DIS3: variants seen among roughly 807,000 people sequenced by gnomAD.
The protein encoded by DIS3 is DIS3 exosome endoribonuclease and 3'-5' exoribonuclease.
In DIS3, 103 loss-of-function variants were observed where a neutral mutation model predicts 113.0. That is an observed-to-expected ratio of 0.91 (90% confidence interval 0.78 to 1.07). DIS3 has a LOEUF of 1.07. Among genes scored for constraint, DIS3 ranks in the 50% least tolerant of loss-of-function variants. The pLI, the probability that DIS3 is intolerant of heterozygous loss-of-function variation, is 0.00. For synonymous variants in DIS3, 402 were observed against 394.3 expected (o/e 1.02, Z -0.23); for missense variants, 1,121 against 1,167.1 (o/e 0.96, Z 0.58).
At position 72,753,882 on chromosome 13, in the gene DIS3, G is replaced by A. The variant is rs1413419322; in HGVS notation, c.*5913C>T. 8 of 1,459,590 alleles carry A rather than the reference G, an allele frequency of 5.5e-6. No individual in the cohort carries two copies. The South Asian group carries it at 8.8e-5, about 16-fold the overall frequency. The allele number at this position is 1,459,590 out of a possible 1,614,324, so 90.4% of individuals were successfully genotyped here. On this transcript the variant is annotated 3_prime_UTR_variant, in exon 21 of 21. Transcript: ENST00000377767. ...TAGATTAGAAATATAAAATAATTTT[G>A]ATTATTAGACAATAGTACTATTGAG... is the stretch of plus-strand genomic sequence containing the variant.
chr13:72,777,661 C>T (rs1157889656), intron 3 of DIS3, among the ~76,000 whole-genome samples, 168 bp from the exon 4 acceptor site: 3 of 152,056 alleles, frequency 2.0e-5, no homozygotes, highest in Non-Finnish European at 4.4e-5. Context: ...AATTACACAT[C>T]ACTACAGCCT....
At position 72,755,740 on chromosome 13, in the gene DIS3, T is replaced by TG; in HGVS notation, c.*4054dup. ...TTAGTTCTTGGTCTGTTCACCTCTG[T>TG]GGGGAAAATTCTTAGTTCCAGTGAT... is the stretch of plus-strand genomic sequence containing the variant. On this transcript the variant is annotated 3_prime_UTR_variant, in exon 21 of 21. Coordinates refer to ENST00000377767, the MANE Select transcript of DIS3 (RefSeq NM_014953.5). 1 of 397,302 alleles carries TG rather than the reference T, an allele frequency of 2.5e-6. No individual in the cohort carries two copies. Among genetic ancestry groups the TG allele is most frequent in the African/African-American group, 2.1e-5 (1 of 48,738 alleles). 24.6% of individuals were successfully genotyped at this position (397,302 alleles called of 1,614,324 possible).
At chr13:72,761,884 C>T in intron 17 of DIS3, 39 bp downstream of exon 17, 1 of 1,611,868 alleles carries the variant, frequency 6.2e-7, no homozygotes, top group Non-Finnish European at 8.5e-7. Context: ...TCAAAATTAA[C>T]CATTTTCTAT....
intron 4 of DIS3, among the ~76,000 whole-genome samples, chr13:72,776,895 C>T (rs954790973): frequency 6.6e-5 from 10 of 152,214 alleles, no homozygotes; most frequent in Non-Finnish European, 1.3e-4. Flanking sequence ...CAATCATTCT[C>T]TCCTGCTCCA....
chr13:72,761,265 G>T, intron 19 of DIS3, 98 bp downstream of exon 19: 1 of 1,423,370 alleles, frequency 7.0e-7, no homozygotes, highest in Non-Finnish European at 9.3e-7. Context: ...AATTCTTCAG[G>T]GTACAAAAAA....
intron 2 of DIS3, among the ~76,000 whole-genome samples, chr13:72,778,685 AAAT>A (rs1281589352): frequency 5.3e-5 from 8 of 152,320 alleles, no homozygotes; most frequent in Non-Finnish European, 5.9e-5. Context: ...TTGAGACACT[AAAT>A]AATAGTTTGT....
chr13:72,775,780 CAAAAAAA>C lies in DIS3; in HGVS notation c.822+138_822+144del, dbSNP rs34507729. On this transcript the variant is annotated intron_variant, in intron 5 of 20. Transcript: ENST00000377767. Reference sequence around the variant, plus strand: ...ACTACCTGACAAATTGTGAGCACTGCAAAAAAAAAAAGAAAAAAGTTACTATTTGCTT... The same window carrying C: ...ACTACCTGACAAATTGTGAGCACTGCAAAAGAAAAAAGTTACTATTTGCTT... The C allele has an allele frequency of 5.4e-5, 31 of 574,814 alleles. No homozygotes were observed. In the African/African-American group the frequency reaches 6.5e-4, roughly 12 times the overall value. The allele number at this position is 574,814 out of a possible 1,614,324, so 35.6% of individuals were successfully genotyped here. A position where few individuals can be genotyped will look rare whatever the true frequency, so the allele number is the denominator to read the frequency against.
rs139907646 is a variant in DIS3 at position 72,773,778 on chromosome 13, C to T, written c.1145G>A (p.Arg382Gln). ...AGCCTGTCTGGTTTCTATGCGAATT[C>T]GAGGGATTCTCTTATCAGCAGGTGT... ...LFTPADKRIP[R>Q]IRIETRQAST... Residue 382 changes from arginine to glutamine, a missense_variant, in exon 8 of 21, where the codon CGA becomes CAA. Arg to Gln is a conservative substitution (Grantham distance 43). Coordinates refer to ENST00000377767, the MANE Select transcript of DIS3 (RefSeq NM_014953.5). The T allele has an allele frequency of 2.4e-5, 39 of 1,613,872 alleles. 1 individual carries two copies. Among genetic ancestry groups the T allele is most frequent in the Middle Eastern group, 1.7e-4 (1 of 6,058 alleles).
intron 10 of DIS3, 66 bp from the exon 11 acceptor site, chr13:72,771,962 T>G: frequency 6.6e-7 from 1 of 1,523,346 alleles, no homozygotes; most frequent in Non-Finnish European, 8.9e-7. Flanking sequence ...AATGGAGTTT[T>G]AATAAGATAA....
intron 12 of DIS3, 22 bp downstream of exon 12, chr13:72,771,058 GA>G (rs757206190): frequency 8.1e-6 from 13 of 1,608,628 alleles, no homozygotes; most frequent in East Asian, 2.2e-5. Flanking sequence ...TGTCTTCAAG[GA>G]AAAAAAACCA....
In DIS3 at chr13:72,755,507, G is replaced by A. The variant is rs2033436105; in HGVS notation, c.*4288C>T. ...CAGAGCTGAGTGCTCCTATCTTACA[G>A]GGTCAATGAACTACTTATTAAGCCT... is the stretch of plus-strand genomic sequence containing the variant. On this transcript the variant is annotated 3_prime_UTR_variant, in exon 21 of 21. Transcript: ENST00000377767. The A allele has an allele frequency of 7.3e-6, 3 of 409,904 alleles. No homozygotes were observed. The highest frequency in any genetic ancestry group is 9.3e-5 in the South Asian group (2 of 21,410). 25.4% of individuals were successfully genotyped at this position (409,904 alleles called of 1,614,324 possible). A position where few individuals can be genotyped will look rare whatever the true frequency, so the allele number is the denominator to read the frequency against.
rs1316379758 is a variant in DIS3 at position 72,756,243 on chromosome 13, T to C, written c.*3552A>G. ...CCATAACTGTACCTTGAAACCTTAC[T>C]GCTGACCTGCAGAAAATGTGCCGCG... is the stretch of plus-strand genomic sequence containing the variant. On this transcript the variant is annotated 3_prime_UTR_variant, in exon 21 of 21. Coordinates refer to ENST00000377767, the MANE Select transcript of DIS3 (RefSeq NM_014953.5). The C allele has an allele frequency of 4.0e-6, 1 of 247,320 alleles. No individual in the cohort carries two copies. The highest frequency in any genetic ancestry group is 5.6e-5 in the Admixed American group (1 of 17,822). 15.3% of individuals were successfully genotyped at this position (247,320 alleles called of 1,614,324 possible). A position where few individuals can be genotyped will look rare whatever the true frequency, so the allele number is the denominator to read the frequency against.
chr13:72,778,957 A>T (rs1334980083), intron 2 of DIS3, among the ~76,000 whole-genome samples: 2 of 152,240 alleles, frequency 1.3e-5, no homozygotes, highest in African/African-American at 4.8e-5. Flanking sequence ...CAACACATTC[A>T]TCTATTTCTT....
chr13:72,777,515 GT>G, intron 3 of DIS3, 22 bp from the exon 4 acceptor site: 1 of 1,605,940 alleles, frequency 6.2e-7, no homozygotes, highest in Non-Finnish European at 8.5e-7. Context: ...AGTTTATGTT[GT>G]TTTTGATAAG....
rs1444582649 is a variant in DIS3, at chr13:72,758,750, C to A, written c.*1045G>T. 4.9e-6 allele frequency: 1 copy of A among 205,742 alleles called. No homozygotes were observed. The highest frequency in any genetic ancestry group is 2.3e-5 in the African/African-American group (1 of 43,746). The allele number at this position is 205,742 out of a possible 1,614,324, so 12.7% of individuals were successfully genotyped here. On this transcript the variant is annotated 3_prime_UTR_variant, in exon 21 of 21. Transcript: ENST00000377767. Reference sequence around the variant, plus strand: ...TATACCTGCTGATTTACTTGGCAGGCTTTTCTCACTATACTGCAAGCTCCT... The same window carrying A: ...TATACCTGCTGATTTACTTGGCAGGATTTTCTCACTATACTGCAAGCTCCT...
At chr13:72,765,633 G>A (rs150070683) in intron 15 of DIS3, among the ~76,000 whole-genome samples, 105 of 152,216 alleles carry the variant, frequency 6.9e-4, no homozygotes, top group Admixed American at 2.5e-3. Flanking sequence ...ACAGCCCAGG[G>A]GCTGGGAACC....
rs1309797351 is a variant in DIS3, at chr13:72,754,051, T to C, written c.*5744A>G. 2.5e-6 allele frequency: 1 copy of C among 400,596 alleles called. No individual in the cohort carries two copies. The highest frequency in any genetic ancestry group is 2.1e-5 in the African/African-American group (1 of 48,546). 24.8% of individuals were successfully genotyped at this position (400,596 alleles called of 1,614,324 possible). A position where few individuals can be genotyped will look rare whatever the true frequency, so the allele number is the denominator to read the frequency against. Reference sequence around the variant, plus strand: ...GGTAGCGTGTATTTGATGAGGGCATTTACTGAACCTTCCAGGTGGTGGTTA... The same window carrying C: ...GGTAGCGTGTATTTGATGAGGGCATCTACTGAACCTTCCAGGTGGTGGTTA... On this transcript the variant is annotated 3_prime_UTR_variant, in exon 21 of 21. Coordinates refer to ENST00000377767, the MANE Select transcript of DIS3 (RefSeq NM_014953.5).
Position 72,775,941 on chromosome 13 carries a change from T to C in DIS3, c.806A>G (p.Asn269Ser), listed in dbSNP as rs4883918. The C allele has an allele frequency of 0.32, 504,893 of 1,599,984 alleles. 85,656 individuals carry two copies. Among genetic ancestry groups the C allele is most frequent in the East Asian group, 0.52 (23,146 of 44,548 alleles). The stretch of plus-strand genomic sequence containing the variant: ...TATACTTGCCTCTTTATTTTCTTCA[T>C]TGTCGCCATGAATCCATACTGTAGC... ...LEATVWIHGD[N>S]EENKEIILQG... Residue 269 changes from asparagine (N) to serine (S), a missense_variant, in exon 5 of 21, where the codon AAT becomes AGT. Transcript: ENST00000377767.
At position 72,766,221 on chromosome 13, in the gene DIS3, A is replaced by G. The variant is rs1260485182; in HGVS notation, c.1884-163T>C. On this transcript the variant is annotated intron_variant, in intron 14 of 20. Transcript: ENST00000377767. ...GCTGTTTCATGTTCTATTTTCATAA[A>G]CAGCTCAGTAGAGCTTTCATGAACA... 4.6e-5 allele frequency among the ~76,000 whole-genome samples: 7 copies of G among 152,200 alleles called. 1 individual carries two copies. The highest frequency in any genetic ancestry group is 1.3e-4 in the Admixed American group (2 of 15,278).
Sources: gnomAD v4.1 joint callset for allele counts (sites outside exome capture counted in the v4.1 genomes callset) on GRCh38, gnomAD v4.1.1 for gene constraint, MANE v1.5 for transcripts, NCBI Gene and HGNC (gene_info 2026-07-23, HGNC 2026-07-21) for gene names.